The following GAN variants were observed in gnomAD, a reference collection of about 807,000 sequenced individuals.
GAN encodes gigaxonin.
A neutral mutation model predicts 71.3 loss-of-function variants in GAN; 48 were observed. That is an observed-to-expected ratio of 0.67 (90% CI 0.53 to 0.86). The LOEUF is 0.86. Among genes scored for constraint, GAN ranks in the 40% least tolerant of loss-of-function variants. GAN has a pLI of 0.00. For missense variants in GAN, 928 were observed against 770.1 expected, an observed-to-expected ratio of 1.21 and a Z score of -2.43; for synonymous variants, 386 against 276.8, an observed-to-expected ratio of 1.39 and a Z score of -3.92.
intron 9 of GAN, among the ~76,000 whole-genome samples, chr16:81,373,882 A>G (rs1489920534): frequency 6.6e-6 from 1 of 152,182 alleles, no homozygotes; most frequent in African/African-American, 2.4e-5. Flanking sequence ...AGCTGGGACT[A>G]CAGGCACGTG....
chr16:81,359,513 T>C (rs542264012), intron 5 of GAN, among the ~76,000 whole-genome samples: 52 of 152,282 alleles, frequency 3.4e-4, no homozygotes, highest in Admixed American at 8.5e-4. Flanking sequence ...AATAGTCCTT[T>C]AGGAAGATTA....
At chr16:81,352,686 C>G (rs1254127976) in intron 2 of GAN, among the ~76,000 whole-genome samples, 1 of 152,082 alleles carries the variant, frequency 6.6e-6, no homozygotes, top group Non-Finnish European at 1.5e-5. Flanking sequence ...GATTCTCATC[C>G]TTTTTGAAGG....
At chr16:81,340,979 A>G (rs1285759093) in intron 1 of GAN, among the ~76,000 whole-genome samples, 1 of 152,024 alleles carries the variant, frequency 6.6e-6, no homozygotes, top group Non-Finnish European at 1.5e-5. Context: ...CCACAGTATG[A>G]GAACTTCATG....
At chr16:81,376,618 GTATA>G (rs1226256166) in intron 9 of GAN, among the ~76,000 whole-genome samples, 2 of 149,262 alleles carry the variant, frequency 1.3e-5, no homozygotes, top group South Asian at 2.1e-4. Context: ...GTATGTATAT[GTATA>G]TATACATACA....
intron 2 of GAN, among the ~76,000 whole-genome samples, chr16:81,353,565 A>C (rs947276416): frequency 1.3e-5 from 2 of 152,202 alleles, no homozygotes; most frequent in Non-Finnish European, 2.9e-5. Flanking sequence ...TGGTACAAAA[A>C]GTGTAAAATG....
At chr16:81,366,916 C>T (rs1910876171) in intron 9 of GAN, among the ~76,000 whole-genome samples, 3 of 152,110 alleles carry the variant, frequency 2.0e-5, no homozygotes, top group African/African-American at 7.2e-5. Context: ...CATCTGCCTC[C>T]CGGGTTCAAG....
intron 1 of GAN, among the ~76,000 whole-genome samples, chr16:81,318,996 T>TA (rs1212779468): frequency 6.6e-6 from 1 of 152,024 alleles, no homozygotes; most frequent in African/African-American, 2.4e-5. Context: ...ATTTTCTCTT[T>TA]GGTTTGTTGG....
chr16:81,377,889 C>T lies in GAN; in HGVS notation c.*293C>T, dbSNP rs1450232763. 1.1e-5 allele frequency: 5 copies of T among 447,364 alleles called. No homozygotes were observed. The highest frequency in any genetic ancestry group is 3.5e-5 in the Admixed American group (1 of 28,420). The allele number at this position is 447,364 out of a possible 1,614,324, so 27.7% of individuals were successfully genotyped here. Reference sequence around the variant, plus strand: ...AGGAAAAGGGAGTGGGAATTGCTATCATGTAAAATATCAAAGTTAAAATAC... The same window carrying T: ...AGGAAAAGGGAGTGGGAATTGCTATTATGTAAAATATCAAAGTTAAAATAC... On this transcript the variant is annotated 3_prime_UTR_variant, in exon 11 of 11. Transcript: ENST00000648994.
In GAN at chr16:81,381,943, C is replaced by T. The variant is rs1904307404; in HGVS notation, c.*4347C>T. 6.6e-6 allele frequency: 1 copy of T among 152,082 alleles called. No individual in the cohort carries two copies. The highest frequency in any genetic ancestry group is 1.5e-5 in the Non-Finnish European group (1 of 68,040). 9.4% of individuals were successfully genotyped at this position (152,082 alleles called of 1,614,324 possible). A position where few individuals can be genotyped will look rare whatever the true frequency, so the allele number is the denominator to read the frequency against. ...GTATAGCATAAACAATGCCAAGTGC[C>T]TGATGTACATGATGTACAGTCTTCT... On this transcript the variant is annotated 3_prime_UTR_variant, in exon 11 of 11. Transcript: ENST00000648994.
intron 1 of GAN, among the ~76,000 whole-genome samples, chr16:81,335,590 T>C (rs1026334375): frequency 2.6e-5 from 4 of 151,642 alleles, no homozygotes; most frequent in African/African-American, 7.3e-5. Context: ...CTACTAAAAA[T>C]ACAAAAATTA....
At chr16:81,363,380 C>T (rs988700833) in intron 6 of GAN, among the ~76,000 whole-genome samples, 1 of 152,160 alleles carries the variant, frequency 6.6e-6, no homozygotes, top group Admixed American at 6.5e-5. Flanking sequence ...GGCTGTTGTG[C>T]TGGAAGAGTG....
intron 9 of GAN, among the ~76,000 whole-genome samples, chr16:81,375,831 G>A (rs1214154128): frequency 6.6e-6 from 1 of 152,038 alleles, no homozygotes; most frequent in East Asian, 1.9e-4. Flanking sequence ...TTAGCTGGGT[G>A]TGGTGGTGTG....
rs1186001759 is a variant in GAN at position 81,387,210 on chromosome 16, CG to C, written c.*9615del. On this transcript the variant is annotated 3_prime_UTR_variant, in exon 11 of 11. Coordinates refer to ENST00000648994, the MANE Select transcript of GAN (RefSeq NM_022041.4). ...TGTAATGGCTAAATGTAAAGTCTTA[CG>C]TCTCGGTTCAAGAAAGCACGTTGCT... 1 of 152,096 alleles carries C rather than the reference CG, an allele frequency of 6.6e-6. No individual in the cohort carries two copies. Among genetic ancestry groups the C allele is most frequent in the East Asian group, 1.9e-4 (1 of 5,192 alleles). 9.4% of individuals were successfully genotyped at this position (152,096 alleles called of 1,614,324 possible).
chr16:81,330,271 TAA>T (rs1485362763), intron 1 of GAN, among the ~76,000 whole-genome samples: 2 of 122,448 alleles, frequency 1.6e-5, no homozygotes, highest in East Asian at 2.1e-4. Flanking sequence ...TTTAAAACTC[TAA>T]TATCTCCAGA....
chr16:81,316,276 C>T (rs1909036586), intron 1 of GAN, among the ~76,000 whole-genome samples: 1 of 152,150 alleles, frequency 6.6e-6, no homozygotes, highest in African/African-American at 2.4e-5. Flanking sequence ...GAGAATATCA[C>T]TACAATTGAC....
intron 1 of GAN, among the ~76,000 whole-genome samples, chr16:81,336,947 C>G (rs575060302): frequency 6.6e-6 from 1 of 152,164 alleles, no homozygotes; most frequent in Admixed American, 6.5e-5. Flanking sequence ...ACATCATTGT[C>G]ACTCAAAGAT....
At chr16:81,367,330 C>T (rs1231073790) in intron 9 of GAN, among the ~76,000 whole-genome samples, 2 of 151,984 alleles carry the variant, frequency 1.3e-5, no homozygotes, top group Admixed American at 1.3e-4. Flanking sequence ...CAAAACCAGC[C>T]CGGCCAACAT....
In GAN at chr16:81,383,700, A is replaced by G. The variant is rs1187595679; in HGVS notation, c.*6104A>G. The G allele has an allele frequency of 1.3e-5, 2 of 152,110 alleles. No homozygotes were observed. The highest frequency in any genetic ancestry group is 4.8e-5 in the African/African-American group (2 of 41,428). The allele number at this position is 152,110 out of a possible 1,614,324, so 9.4% of individuals were successfully genotyped here. On this transcript the variant is annotated 3_prime_UTR_variant, in exon 11 of 11. Transcript: ENST00000648994. Reference sequence around the variant, plus strand: ...CCTTCTGTGCACACATTGAAAGAAAACCAGAAATTGTACAGTCGTGATATG... The same window carrying G: ...CCTTCTGTGCACACATTGAAAGAAAGCCAGAAATTGTACAGTCGTGATATG...
At chr16:81,350,799 G>A (rs1400202968) in intron 1 of GAN, among the ~76,000 whole-genome samples, 3 of 152,124 alleles carry the variant, frequency 2.0e-5, no homozygotes, top group Non-Finnish European at 2.9e-5. Flanking sequence ...GATTACAGGC[G>A]TGAGCCACTG....
Sources: gnomAD v4.1 joint callset for allele counts (sites outside exome capture counted in the v4.1 genomes callset) on GRCh38, gnomAD v4.1.1 for gene constraint, MANE v1.5 for transcripts, NCBI Gene and HGNC (gene_info 2026-07-23, HGNC 2026-07-21) for gene names.